The following AGBL4 variants were observed in gnomAD, a reference collection of about 807,000 sequenced individuals.
AGBL4 encodes AGBL carboxypeptidase 4.
AGBL4 carries 58 observed loss-of-function variants against 66.4 expected under a neutral mutation model. That is an observed-to-expected ratio of 0.87 (90% CI 0.71 to 1.09). The LOEUF is 1.09. AGBL4 is among the 50% of genes least tolerant of loss of function. The pLI is 0.00. For synonymous variants in AGBL4, 234 were observed against 222.9 expected (o/e 1.05, Z -0.44); for missense variants, 579 against 631.0 (o/e 0.92, Z 0.88).
At chr1:49,659,086 T>G (rs765788547) in intron 3 of AGBL4, among the ~76,000 whole-genome samples, 13 of 151,514 alleles carry the variant, frequency 8.6e-5, no homozygotes, top group Non-Finnish European at 1.8e-4. Context: ...AAAGGAGAAA[T>G]AAAATCTTTT....
intron 9 of AGBL4, among the ~76,000 whole-genome samples, chr1:48,600,578 A>G (rs1645060769): frequency 6.6e-6 from 1 of 152,182 alleles, no homozygotes; most frequent in Non-Finnish European, 1.5e-5. Context: ...ATGGTTCTGT[A>G]ATTATAACAA....
chr1:49,041,337 A>G (rs1252255170), intron 5 of AGBL4, among the ~76,000 whole-genome samples: 6 of 152,138 alleles, frequency 3.9e-5, no homozygotes, highest in Admixed American at 3.9e-4. Flanking sequence ...TATGCCAGAA[A>G]GCCTTAAAAT....
chr1:48,743,310 C>T (rs576572269), intron 6 of AGBL4, among the ~76,000 whole-genome samples: 9 of 152,158 alleles, frequency 5.9e-5, no homozygotes, highest in African/African-American at 2.2e-4. Flanking sequence ...CCCCTGATTG[C>T]CTGATCCAGC....
At chr1:49,447,673 C>A (rs911378508) in intron 3 of AGBL4, among the ~76,000 whole-genome samples, 2 of 152,174 alleles carry the variant, frequency 1.3e-5, no homozygotes, top group African/African-American at 4.8e-5. Flanking sequence ...AATTTTCATG[C>A]AGTTTTGATA....
chr1:49,844,615 C>T lies in AGBL4; in HGVS notation c.157+6781G>A, dbSNP rs539439447. On this transcript the variant is annotated intron_variant, in intron 2 of 13. Transcript: ENST00000371839. Reference sequence around the variant, plus strand: ...TTCAAAATCATTAGTTTCATCCTTCCTCTTCCCATCTCACCACAAACTCTT... The same window carrying T: ...TTCAAAATCATTAGTTTCATCCTTCTTCTTCCCATCTCACCACAAACTCTT... 77 of 1,395,340 alleles carry T rather than the reference C, an allele frequency of 5.5e-5. No homozygotes were observed. The East Asian group carries it at 1.8e-3, about 32-fold the overall frequency. 86.4% of individuals were successfully genotyped at this position (1,395,340 alleles called of 1,614,324 possible).
chr1:49,181,028 G>A (rs1445430358), intron 4 of AGBL4, among the ~76,000 whole-genome samples: 4 of 152,132 alleles, frequency 2.6e-5, no homozygotes, highest in Non-Finnish European at 5.9e-5. Flanking sequence ...CCAAATTCCT[G>A]TTTCCAGTGG....
chr1:49,771,416 ATAT>A (rs765943617), intron 2 of AGBL4, among the ~76,000 whole-genome samples: 14 of 152,098 alleles, frequency 9.2e-5, no homozygotes, highest in Non-Finnish European at 1.9e-4. Context: ...GGGATCTAAC[ATAT>A]TATTTATCCT....
At chr1:49,966,103 G>A (rs1030635933) in intron 1 of AGBL4, among the ~76,000 whole-genome samples, 1 of 151,842 alleles carries the variant, frequency 6.6e-6, no homozygotes, top group East Asian at 1.9e-4. Context: ...CACCATGCCT[G>A]GCTAATTTTT....
At chr1:48,730,182 T>C (rs903218794) in intron 6 of AGBL4, among the ~76,000 whole-genome samples, 3 of 152,150 alleles carry the variant, frequency 2.0e-5, no homozygotes, top group Non-Finnish European at 2.9e-5. Flanking sequence ...TGTAACCACA[T>C]TGTTTCCCCC....
intron 2 of AGBL4, among the ~76,000 whole-genome samples, chr1:49,787,319 G>A (rs1644479287): frequency 6.6e-6 from 1 of 151,972 alleles, no homozygotes. Flanking sequence ...TGGCTAACAC[G>A]GTAAAACCCC....
chr1:49,045,833 T>C (rs142370226), intron 4 of AGBL4, 33 bp from the exon 5 acceptor site: 2 of 1,514,788 alleles, frequency 1.3e-6, no homozygotes, highest in Non-Finnish European at 1.8e-6. Flanking sequence ...TTTGGGCATA[T>C]GAGACATTCG....
intron 2 of AGBL4, among the ~76,000 whole-genome samples, chr1:49,724,413 G>A (rs1195883478): frequency 3.3e-5 from 5 of 152,142 alleles, no homozygotes; most frequent in Non-Finnish European, 7.3e-5. Flanking sequence ...CAGCAAACAT[G>A]ACAGACATAG....
chr1:49,563,705 G>T (rs965702977), intron 3 of AGBL4, among the ~76,000 whole-genome samples: 3 of 152,050 alleles, frequency 2.0e-5, no homozygotes, highest in African/African-American at 7.2e-5. Context: ...GCTGGATTTG[G>T]TTTGCCAGTA....
At chr1:49,956,545 G>T (rs1324988161) in intron 1 of AGBL4, among the ~76,000 whole-genome samples, 1 of 151,802 alleles carries the variant, frequency 6.6e-6, no homozygotes, top group Non-Finnish European at 1.5e-5. Flanking sequence ...ACAATGCAAA[G>T]GCAACTTAGT....
intron 3 of AGBL4, among the ~76,000 whole-genome samples, chr1:49,383,880 G>A (rs1266170367): frequency 2.0e-5 from 3 of 151,592 alleles, no homozygotes; most frequent in South Asian, 2.1e-4. Flanking sequence ...CATTGCGACC[G>A]CCGCCTCCCA....
At chr1:48,805,975 T>C (rs776720279) in intron 6 of AGBL4, among the ~76,000 whole-genome samples, 2 of 152,318 alleles carry the variant, frequency 1.3e-5, no homozygotes, top group East Asian at 1.9e-4. Context: ...TAATCTAATA[T>C]ATACATTTTT....
At chr1:49,057,271 A>T (rs1421381439) in intron 4 of AGBL4, among the ~76,000 whole-genome samples, 4 of 152,138 alleles carry the variant, frequency 2.6e-5, no homozygotes, top group African/African-American at 9.7e-5. Flanking sequence ...TATAAAAGTT[A>T]GCCAGGTGCG....
At chr1:48,896,318 A>C (rs3121525) in intron 5 of AGBL4, among the ~76,000 whole-genome samples, 130,832 of 152,188 alleles carry the variant, frequency 0.86, 57,511 homozygotes, top group Non-Finnish European at 0.96. Context: ...GAACCTTCAC[A>C]ATTTTGGGAA....
chr1:50,011,555 C>A (rs1225956278), intron 1 of AGBL4, among the ~76,000 whole-genome samples: 1 of 152,166 alleles, frequency 6.6e-6, no homozygotes, highest in Non-Finnish European at 1.5e-5. Context: ...GAAAGGAAAT[C>A]AGTATATTGA....
Sources: gnomAD v4.1 joint callset for allele counts (sites outside exome capture counted in the v4.1 genomes callset) on GRCh38, gnomAD v4.1.1 for gene constraint, MANE v1.5 for transcripts, NCBI Gene and HGNC (gene_info 2026-07-23, HGNC 2026-07-21) for gene names.